WDR97: variants seen among roughly 807,000 people sequenced by gnomAD.
WDR97 encodes the protein WD repeat domain 97.
In WDR97, 111 loss-of-function variants were observed where a neutral mutation model predicts 65.4. The observed-to-expected ratio is 1.70, with a 90% CI of 1.45 to 1.99. WDR97 has a LOEUF of 1.99. Ranked by LOEUF, WDR97 falls within the 30% of genes most tolerant of loss-of-function variation. The pLI is 0.00. For missense variants in WDR97, 1,674 were observed against 865.0 expected (o/e 1.94, Z -11.73); for synonymous variants, 802 against 397.7 (o/e 2.02, Z -12.10).
rs1444963204 is a variant in WDR97 at position 144,115,580 on chromosome 8, C to T, written c.4317C>T (p.Ser1439=). The T allele has an allele frequency of 1.4e-6, 1 of 692,814 alleles. No individual in the cohort carries two copies. The highest frequency in any genetic ancestry group is 2.6e-6 in the Non-Finnish European group (1 of 378,922). The allele number at this position is 692,814 out of a possible 1,614,324, so 42.9% of individuals were successfully genotyped here. ...GTPQLRLRVL[S]ETLKSFCLEP... is the part of the protein sequence containing the mutation. ...CTCAGCTCCGTCTCAGAGTGCTCTC[C>T]GAGACGCTGAAGAGCTTCTGCCTGG... Residue 1439 remains serine (S), a synonymous_variant, in exon 22 of 24, where the codon TCC becomes TCT. Transcript: ENST00000323662.
Position 144,108,801 on chromosome 8 carries a change from A to T in WDR97, c.735A>T (p.Pro245=), listed in dbSNP as rs1836475298. ...RGSALHPPPS[P]TGRLMRLAVA... ...CAGCACTGCACCCGCCCCCGAGCCC[A>T]ACAGGCAGGCTCATGCGTCTGGCTG... Residue 245 remains proline, a synonymous_variant, in exon 3 of 24, where the codon CCA becomes CCT. Transcript: ENST00000323662. 1.4e-6 allele frequency: 1 copy of T among 702,634 alleles called. No individual in the cohort carries two copies. The highest frequency in any genetic ancestry group is 1.7e-5 in the African/African-American group (1 of 57,358). 43.5% of individuals were successfully genotyped at this position (702,634 alleles called of 1,614,324 possible). A position where few individuals can be genotyped will look rare whatever the true frequency, so the allele number is the denominator to read the frequency against.
In WDR97 at chr8:144,107,822, C is replaced by T; in HGVS notation, c.72C>T (p.Gly24=). Residue 24 remains glycine (G), a synonymous_variant, in exon 1 of 24, where the codon GGC becomes GGT. Coordinates refer to ENST00000323662, the MANE Select transcript of WDR97 (RefSeq NM_001316309.2). ...VLDSDLYDAD[G]YDVPDPGLLT... ...ACTCGGACCTGTATGATGCGGATGGCTATGATGTCCCAGACCCTGGGCTGC... is the reference window on the plus strand; with the variant it reads ...ACTCGGACCTGTATGATGCGGATGGTTATGATGTCCCAGACCCTGGGCTGC... The T allele has an allele frequency of 1.4e-6, 1 of 702,868 alleles. No homozygotes were observed. The highest frequency in any genetic ancestry group is 1.5e-5 in the South Asian group (1 of 67,608). 43.5% of individuals were successfully genotyped at this position (702,868 alleles called of 1,614,324 possible).
Position 144,115,994 on chromosome 8 carries a change from G to GTCCGCGAGT in WDR97, c.4654_4655insGTTCCGCGA (p.Ala1551_Met1552insSerSerAla), listed in dbSNP as rs1836650063. ...AGGCCAAGCCGCAGAGGTCCGCGAG[G>GTCCGCGAGT]TCCGCGATGAGACTGAGGGGTGAGT... On this transcript the variant is annotated inframe_insertion, in exon 23 of 24. Coordinates refer to ENST00000323662, the MANE Select transcript of WDR97 (RefSeq NM_001316309.2). The GTCCGCGAGT allele has an allele frequency of 1.4e-6, 1 of 700,604 alleles. No individual in the cohort carries two copies. 43.4% of individuals were successfully genotyped at this position (700,604 alleles called of 1,614,324 possible).
Position 144,111,634 on chromosome 8 carries a change from C to A in WDR97, c.2490C>A (p.Asp830Glu). 1.5e-6 allele frequency: 1 copy of A among 688,242 alleles called. No homozygotes were observed. Among genetic ancestry groups the A allele is most frequent in the African/African-American group, 1.8e-5 (1 of 57,036 alleles). 42.6% of individuals were successfully genotyped at this position (688,242 alleles called of 1,614,324 possible). A position where few individuals can be genotyped will look rare whatever the true frequency, so the allele number is the denominator to read the frequency against. ...ATSQHLVPKE[D>E]LDAIVARDRD... ...CTGATCCCTGAACCCTGACTCAGGA[C>A]TTGGACGCCATAGTGGCCCGGGACC... The change falls in exon 12 of 24, where the codon GAC (aspartate) becomes GAA (glutamate). Residue 830 changes from aspartate (D) to glutamate (E), a missense_variant and splice_region_variant. Asp to Glu is a conservative substitution (Grantham distance 45). Coordinates refer to ENST00000323662, the MANE Select transcript of WDR97 (RefSeq NM_001316309.2).
intron 1 of WDR97, 60 bp from the exon 2 acceptor site, chr8:144,107,999 A>C (rs1836452004): frequency 2.8e-6 from 2 of 702,252 alleles, no homozygotes; most frequent in Non-Finnish European, 5.2e-6. Flanking sequence ...GGCTCCCCAT[A>C]ACCGTCAGGG....
At position 144,111,166 on chromosome 8, in the gene WDR97, A is replaced by G. The variant is rs1187265731; in HGVS notation, c.2370A>G (p.Ser790=). ...DPPLPLMSQE[S]LTSAQLQRLT... ...CGCTGCCACTGATGAGCCAGGAGTCACTGACTTCCGCCCAACTGCAGAGGC... is the reference window on the plus strand; with the variant it reads ...CGCTGCCACTGATGAGCCAGGAGTCGCTGACTTCCGCCCAACTGCAGAGGC... The change falls in exon 10 of 24, where the codon TCA becomes TCG. Residue 790 remains serine, a synonymous_variant. Transcript: ENST00000323662. 1 of 702,782 alleles carries G rather than the reference A, an allele frequency of 1.4e-6. No homozygotes were observed. Among genetic ancestry groups the G allele is most frequent in the Admixed American group, 2.0e-5 (1 of 50,024 alleles). 43.5% of individuals were successfully genotyped at this position (702,782 alleles called of 1,614,324 possible). A position where few individuals can be genotyped will look rare whatever the true frequency, so the allele number is the denominator to read the frequency against.
chr8:144,114,346 G>T lies in WDR97; in HGVS notation c.3663G>T (p.Thr1221=). The T allele has an allele frequency of 1.4e-6, 1 of 702,772 alleles. No homozygotes were observed. Among genetic ancestry groups the T allele is most frequent in the East Asian group, 2.7e-5 (1 of 37,284 alleles). 43.5% of individuals were successfully genotyped at this position (702,772 alleles called of 1,614,324 possible). ...TGGTGGCCCTGCTGGAGAAGACCAC[G>T]TGGGTCGACCGTGTGCACATCCTGC... ...SLLVALLEKT[T]WVDRVHILQV... Residue 1221 remains threonine, a synonymous_variant, in exon 19 of 24, where the codon ACG becomes ACT. Transcript: ENST00000323662.
Position 144,115,616 on chromosome 8 carries a change from C to T in WDR97, c.4353C>T (p.Ala1451=). 1 of 684,254 alleles carries T rather than the reference C, an allele frequency of 1.5e-6. No individual in the cohort carries two copies. Among genetic ancestry groups the T allele is most frequent in the South Asian group, 1.5e-5 (1 of 66,216 alleles). The allele number at this position is 684,254 out of a possible 1,614,324, so 42.4% of individuals were successfully genotyped here. ...AGAGCTTCTGCCTGGAGCCCGAGGC[C>T]CGCCTGCACCCTGCCGGGCCTGCTC... The part of the protein sequence containing the change: ...TLKSFCLEPE[A]RLHPAGPAQL... Residue 1451 remains alanine, a synonymous_variant, in exon 22 of 24, where the codon GCC becomes GCT. Transcript: ENST00000323662.
intron 15 of WDR97, chr8:144,113,201 G>C: frequency 3.5e-6 from 2 of 565,794 alleles, no homozygotes; most frequent in East Asian, 6.0e-5. Context: ...CACTTCTCCA[G>C]GTTTCCCTTC....
chr8:144,115,521 C>T lies in WDR97; in HGVS notation c.4258C>T (p.Arg1420Trp), dbSNP rs1836633419. Reference sequence around the variant, plus strand: ...TTTAGCCCCGGAGCTCCAGGCCCAGCGGATGCTGGCACCCAAGCGCAGCTG... The same window carrying T: ...TTTAGCCCCGGAGCTCCAGGCCCAGTGGATGCTGGCACCCAAGCGCAGCTG... ...HSLAPELQAQ[R>W]MLAPKRSWGT... is the part of the protein sequence containing the mutation. The change falls in exon 22 of 24, where the codon CGG becomes TGG. Residue 1420 changes from arginine to tryptophan, a missense_variant. Arg to Trp is a moderately radical substitution (Grantham distance 101, BLOSUM62 -3). Transcript: ENST00000323662. The T allele has an allele frequency of 5.7e-6, 4 of 696,862 alleles. No homozygotes were observed. The highest frequency in any genetic ancestry group is 2.7e-5 in the East Asian group (1 of 37,130). 43.2% of individuals were successfully genotyped at this position (696,862 alleles called of 1,614,324 possible). A position where few individuals can be genotyped will look rare whatever the true frequency, so the allele number is the denominator to read the frequency against.
chr8:144,113,207 C>G (rs1194401026), intron 15 of WDR97: 2 of 566,134 alleles, frequency 3.5e-6, no homozygotes, highest in Non-Finnish European at 6.2e-6. Context: ...TCCAGGTTTC[C>G]CTTCTCGTTT....
rs1295008134 is a variant in WDR97 at position 144,115,787 on chromosome 8, C to T, written c.4524C>T (p.His1508=). 2 of 687,948 alleles carry T rather than the reference C, an allele frequency of 2.9e-6. No individual in the cohort carries two copies. The highest frequency in any genetic ancestry group is 1.5e-5 in the South Asian group (1 of 64,782). 42.6% of individuals were successfully genotyped at this position (687,948 alleles called of 1,614,324 possible). Residue 1508 remains histidine (H), a synonymous_variant, in exon 22 of 24, where the codon CAC becomes CAT. Transcript: ENST00000323662. ...QRSSLQEKAA[H]PHPPEPYTVA... ...GTTCGCTCCAGGAGAAGGCTGCGCA[C>T]CCACACCCGCCAGAGCCCTACACGG...
rs1250234077 is a variant in WDR97 at position 144,109,889 on chromosome 8, C to G, written c.1555C>G (p.Pro519Ala). 1.4e-6 allele frequency: 1 copy of G among 701,460 alleles called. No individual in the cohort carries two copies. Among genetic ancestry groups the G allele is most frequent in the South Asian group, 1.5e-5 (1 of 67,536 alleles). The allele number at this position is 701,460 out of a possible 1,614,324, so 43.5% of individuals were successfully genotyped here. Residue 519 changes from proline (P) to alanine (A), a missense_variant, in exon 5 of 24, where the codon CCC (proline) becomes GCC (alanine). Physicochemically the swap from Pro to Ala is conservative, Grantham distance 27. Coordinates refer to ENST00000323662, the MANE Select transcript of WDR97 (RefSeq NM_001316309.2). ...GCTGCACCGCGTGTGCCCGCCGCCG[C>G]CCCCTGCGCCGCAGCCTTGCTGTCT... ...SVLHRVCPPP[P>A]PAPQPCCLHL... is the part of the protein sequence containing the mutation.
rs1193523952 is a variant in WDR97 at position 144,114,929 on chromosome 8, C to CGG, written c.4077+24_4077+25dup. On this transcript the variant is annotated intron_variant, in intron 21 of 23. Transcript: ENST00000323662. ...AGCTTCAGGTTGGGCCGGCAGGGGC[C>CGG]GGGGGGGCCTTGGGAACCCTGTTGC... The CGG allele has an allele frequency of 4.5e-6, 3 of 672,766 alleles. No homozygotes were observed. In the Admixed American group the frequency reaches 7.0e-5, roughly 16 times the overall value. 41.7% of individuals were successfully genotyped at this position (672,766 alleles called of 1,614,324 possible).
At position 144,116,203 on chromosome 8, in the gene WDR97, G is replaced by GC. The variant is rs1357862366; in HGVS notation, c.4784dup (p.Arg1596AlafsTer24). 1.6e-5 allele frequency: 11 copies of GC among 689,178 alleles called. No homozygotes were observed. The highest frequency in any genetic ancestry group is 2.9e-5 in the Non-Finnish European group (11 of 378,412). The allele number at this position is 689,178 out of a possible 1,614,324, so 42.7% of individuals were successfully genotyped here. On this transcript the variant is annotated frameshift_variant, in exon 24 of 24. Transcript: ENST00000323662. LOFTEE classifies it low-confidence loss of function (END_TRUNC). ...AGCCTTTCCCCCTGGACTGGCCTAT[G>GC]CCCCCGCGCCCGCTGCCCCCGCGGC... is the stretch of plus-strand genomic sequence containing the variant.
chr8:144,109,774 G>A lies in WDR97; in HGVS notation c.1440G>A (p.Val480=), dbSNP rs1309817369. 1.5e-6 allele frequency: 1 copy of A among 674,418 alleles called. No individual in the cohort carries two copies. The highest frequency in any genetic ancestry group is 2.7e-6 in the Non-Finnish European group (1 of 374,286). The allele number at this position is 674,418 out of a possible 1,614,324, so 41.8% of individuals were successfully genotyped here. ...LLEPEDCAAA[V]AYCLPREALW... ...AGCCGGAGGACTGCGCGGCAGCCGT[G>A]GCCTACTGCCTGCCGCGCGAGGCGC... The change falls in exon 5 of 24, where the codon GTG becomes GTA. Residue 480 remains valine (V), a synonymous_variant. Coordinates refer to ENST00000323662, the MANE Select transcript of WDR97 (RefSeq NM_001316309.2).
In WDR97 at chr8:144,109,362, C is replaced by G. The variant is rs1031251870; in HGVS notation, c.1028C>G (p.Pro343Arg). The G allele has an allele frequency of 4.3e-6, 3 of 702,636 alleles. No individual in the cohort carries two copies. Among genetic ancestry groups the G allele is most frequent in the East Asian group, 5.4e-5 (2 of 37,280 alleles). 43.5% of individuals were successfully genotyped at this position (702,636 alleles called of 1,614,324 possible). ...TGPVTAMTVL[P>R]NTTLVLSASQ... ...CCGGTGACGGCTATGACTGTGCTCC[C>G]GAACACGACCCTGGTGTTGTCGGCC... Residue 343 changes from proline to arginine, a missense_variant, in exon 5 of 24, where the codon CCG (proline) becomes CGG (arginine). Transcript: ENST00000323662.
chr8:144,116,222 C>T lies in WDR97; in HGVS notation c.4798C>T (p.Pro1600Ser), dbSNP rs750207651. ...GCCTATGCCCCCGCGCCCGCTGCCCCCGCGGCTCCTGCAGCCGGCCCTGCA... is the reference window on the plus strand; with the variant it reads ...GCCTATGCCCCCGCGCCCGCTGCCCTCGCGGCTCCTGCAGCCGGCCCTGCA... ...DWPMPPRPLP[P>S]RLLQPALQRY... Residue 1600 changes from proline (P) to serine (S), a missense_variant, in exon 24 of 24, where the codon CCG (proline) becomes TCG (serine). By Grantham distance (74) the Pro-to-Ser change is moderately conservative (BLOSUM62 -1). Transcript: ENST00000323662. 1.4e-3 allele frequency: 964 copies of T among 684,282 alleles called. 1 individual carries two copies. The highest frequency in any genetic ancestry group is 2.3e-3 in the Non-Finnish European group (869 of 375,206). The allele number at this position is 684,282 out of a possible 1,614,324, so 42.4% of individuals were successfully genotyped here.
intron 4 of WDR97, 82 bp downstream of exon 4, chr8:144,109,252 C>A: frequency 1.4e-6 from 1 of 699,892 alleles, no homozygotes; most frequent in Non-Finnish European, 2.6e-6. Flanking sequence ...GCAGCTCCGG[C>A]CAGGCCTTGC....
Sources: gnomAD v4.1 joint callset for allele counts on GRCh38, gnomAD v4.1.1 for gene constraint, MANE v1.5 for transcripts, NCBI Gene and HGNC (gene_info 2026-07-23, HGNC 2026-07-21) for gene names.